The following RNF111 variants were observed in gnomAD, a reference collection of about 807,000 sequenced individuals.
The protein encoded by RNF111 is ring finger protein 111, also known as E3 ubiquitin-protein ligase Arkadia.
Under a neutral mutation model 95.1 loss-of-function variants are expected in RNF111, and 17 were observed. That is an observed-to-expected ratio of 0.18 (90% confidence interval 0.12 to 0.27). The LOEUF (loss-of-function observed/expected upper bound fraction) is 0.27, where lower values mean the gene tolerates loss of function less well. Ranked by LOEUF, RNF111 falls within the 10% of genes least tolerant of loss-of-function variation. The pLI is 1.00. For missense variants in RNF111, 1,189 were observed against 1,210.4 expected (o/e 0.98, Z 0.26); for synonymous variants, 440 against 414.8 (o/e 1.06, Z -0.74).
chr15:58,999,399 A>T (rs546250782), intron 1 of RNF111, among the ~76,000 whole-genome samples: 1 of 152,188 alleles, frequency 6.6e-6, no homozygotes, highest in Non-Finnish European at 1.5e-5. Context: ...GCAGTGGTGC[A>T]ATCTCAGTTC....
intron 10 of RNF111, among the ~76,000 whole-genome samples, chr15:59,086,146 G>T (rs113972620): frequency 0.035 from 5,241 of 151,842 alleles, 146 homozygotes; most frequent in African/African-American, 0.08. Context: ...TTTCGACAGA[G>T]TCTCACTCTG....
intron 6 of RNF111, among the ~76,000 whole-genome samples, chr15:59,075,081 T>C (rs532984900): frequency 6.6e-6 from 1 of 152,310 alleles, no homozygotes; most frequent in East Asian, 1.9e-4. Context: ...GTAACATCAA[T>C]GACTACTCAT....
chr15:59,080,915 C>T (rs376699470), intron 7 of RNF111, 21 bp from the exon 8 acceptor site: 2 of 1,583,314 alleles, frequency 1.3e-6, no homozygotes, highest in Non-Finnish European at 1.7e-6. Context: ...ATGTAACATA[C>T]TCAAAATATT....
In RNF111 at chr15:59,059,632, C is replaced by G. The variant is rs140795840; in HGVS notation, c.1366+1082C>G. ...CATATCTAAGAAACCGTTGCCTAAT[C>G]CAGGGTCACAAAAATTTATTCTGGA... is the stretch of plus-strand genomic sequence containing the variant. On this transcript the variant is annotated intron_variant, in intron 5 of 13. Transcript: ENST00000348370. 3.6e-3 allele frequency among the ~76,000 whole-genome samples: 555 copies of G among 152,224 alleles called. 18 individuals carry two copies. Among genetic ancestry groups the G allele is most frequent in the East Asian group, 1.5e-3 (8 of 5,186 alleles).
At chr15:58,990,737 C>T (rs575601385) in intron 1 of RNF111, among the ~76,000 whole-genome samples, 2 of 152,304 alleles carry the variant, frequency 1.3e-5, no homozygotes, top group South Asian at 4.2e-4. Context: ...ATTACTGAAG[C>T]TTTAATAGCT....
chr15:59,053,548 T>C (rs2042080815), intron 3 of RNF111, among the ~76,000 whole-genome samples: 1 of 152,254 alleles, frequency 6.6e-6, no homozygotes, highest in Admixed American at 6.5e-5. Context: ...ATCGAAGTGC[T>C]ACTTCTAAAG....
At chr15:59,089,918 GTAT>G (rs2079001059) in intron 11 of RNF111, among the ~76,000 whole-genome samples, 159 bp downstream of exon 11, 1 of 152,128 alleles carries the variant, frequency 6.6e-6, no homozygotes, top group South Asian at 2.1e-4. Context: ...ATATTTGTAA[GTAT>G]TATTAATCTT....
At chr15:59,030,017 A>T (rs957640700) in intron 1 of RNF111, among the ~76,000 whole-genome samples, 1 of 152,214 alleles carries the variant, frequency 6.6e-6, no homozygotes, top group African/African-American at 2.4e-5. Flanking sequence ...TTATTTTCAT[A>T]TGTACATTGC....
rs1176807617 is a variant in RNF111, at chr15:59,031,428, A to G, written c.606A>G (p.Leu202=). 4 of 1,614,158 alleles carry G rather than the reference A, an allele frequency of 2.5e-6. No individual in the cohort carries two copies. The highest frequency in any genetic ancestry group is 3.4e-6 in the Non-Finnish European group (4 of 1,180,060). ...VSGLLMKRPC[L]HGSSLRRLPC... ...GATTGTTAATGAAAAGACCCTGTTTACATGGCAGTTCGTTACGGAGACTTC... is the reference window on the plus strand; with the variant it reads ...GATTGTTAATGAAAAGACCCTGTTTGCATGGCAGTTCGTTACGGAGACTTC... Residue 202 remains leucine, a synonymous_variant, in exon 2 of 14, where the codon TTA becomes TTG. Coordinates refer to ENST00000348370, the MANE Select transcript of RNF111 (RefSeq NM_017610.8).
At chr15:59,024,093 A>G (rs911039729) in intron 1 of RNF111, among the ~76,000 whole-genome samples, 7 of 152,176 alleles carry the variant, frequency 4.6e-5, no homozygotes, top group Admixed American at 1.3e-4. Context: ...TATGGTAAAT[A>G]TCTTGTGGCT....
intron 1 of RNF111, among the ~76,000 whole-genome samples, chr15:58,988,589 C>A (rs1361612784): frequency 6.6e-6 from 1 of 152,164 alleles, no homozygotes; most frequent in South Asian, 2.1e-4. Context: ...TATTGTCCTT[C>A]GATAATTTAT....
At chr15:59,056,662 A>C (rs2042211589) in intron 4 of RNF111, among the ~76,000 whole-genome samples, 1 of 152,184 alleles carries the variant, frequency 6.6e-6, no homozygotes, top group South Asian at 2.1e-4. Context: ...TTGGGTGGTC[A>C]TAACTTTCAG....
chr15:59,064,585 A>T (rs1400189960), intron 5 of RNF111, among the ~76,000 whole-genome samples: 1 of 146,994 alleles, frequency 6.8e-6, no homozygotes, highest in African/African-American at 2.5e-5. Context: ...TTTTTTTGTT[A>T]CAAATTACAA....
chr15:59,052,569 ATT>A (rs768761060), intron 3 of RNF111, 138 bp downstream of exon 3: 12,638 of 245,420 alleles, frequency 0.051, no homozygotes, highest in East Asian at 0.072. Context: ...AGATTAGTGG[ATT>A]TTTTTTTTTT....
chr15:59,023,198 A>G (rs2040432174), intron 1 of RNF111, among the ~76,000 whole-genome samples: 1 of 152,196 alleles, frequency 6.6e-6, no homozygotes, highest in African/African-American at 2.4e-5. Context: ...CAGTGAGCTG[A>G]GATCACACCA....
intron 8 of RNF111, among the ~76,000 whole-genome samples, chr15:59,081,613 C>T (rs1249259767): frequency 6.6e-6 from 1 of 152,110 alleles, no homozygotes; most frequent in Non-Finnish European, 1.5e-5. Flanking sequence ...TCCCCAGTTG[C>T]TCAGGAGGCT....
chr15:58,999,134 G>A (rs1285276178), intron 1 of RNF111, among the ~76,000 whole-genome samples: 1 of 152,076 alleles, frequency 6.6e-6, no homozygotes. Flanking sequence ...CTACATATTT[G>A]TGTGAAACTG....
At position 59,085,151 on chromosome 15, in the gene RNF111, A is replaced by G. The variant is rs572270726; in HGVS notation, c.2424-508A>G. Among the ~76,000 whole-genome samples the G allele has an allele frequency of 1.4e-4, 21 of 152,340 alleles. No homozygotes were observed. The South Asian group carries it at 3.9e-3, about 29-fold the overall frequency. ...TTTTGAGGCAGAACATAAAATGAGA[A>G]TAAGTAAATGAAGACTTAGCATATA... On this transcript the variant is annotated intron_variant, in intron 9 of 13. Coordinates refer to ENST00000348370, the MANE Select transcript of RNF111 (RefSeq NM_017610.8).
chr15:59,059,362 C>T (rs1473526041), intron 5 of RNF111, among the ~76,000 whole-genome samples: 2 of 152,076 alleles, frequency 1.3e-5, no homozygotes, highest in Non-Finnish European at 2.9e-5. Context: ...AAATCACCAG[C>T]GTTGGCAAGG....
Sources: gnomAD v4.1 joint callset for allele counts (sites outside exome capture counted in the v4.1 genomes callset) on GRCh38, gnomAD v4.1.1 for gene constraint, MANE v1.5 for transcripts, NCBI Gene and HGNC (gene_info 2026-07-23, HGNC 2026-07-21) for gene names.